Variants in GALNT1 observed in about 807,000 individuals in gnomAD.
GALNT1 encodes polypeptide N-acetylgalactosaminyltransferase 1.
Under a neutral mutation model 65.7 loss-of-function variants are expected in GALNT1, and 17 were observed. The ratio of observed to expected loss-of-function variants is 0.26; its 90% confidence interval spans 0.18 to 0.39. The LOEUF (loss-of-function observed/expected upper bound fraction) is 0.39, where lower values mean the gene tolerates loss of function less well. Among genes scored for constraint, GALNT1 ranks in the 10% least tolerant of loss-of-function variants. The pLI is 1.00. For missense variants in GALNT1, 460 were observed against 672.8 expected, an observed-to-expected ratio of 0.68 and a Z score of 3.50; for synonymous variants, 210 against 219.7, an observed-to-expected ratio of 0.96 and a Z score of 0.39.
At chr18:35,692,369 T>G in intron 9 of GALNT1, 49 bp downstream of exon 9, 1 of 1,210,794 alleles carries the variant, frequency 8.3e-7, no homozygotes. Context: ...TGTTCTTACT[T>G]TTTTATTAAA....
chr18:35,685,234 A>G (rs73948123), intron 5 of GALNT1, among the ~76,000 whole-genome samples: 15,612 of 152,146 alleles, frequency 0.1, 1,005 homozygotes, highest in African/African-American at 0.19. Context: ...ACACACGTGC[A>G]CGTATGCGTG....
intron 9 of GALNT1, among the ~76,000 whole-genome samples, chr18:35,696,232 G>A (rs542387371): frequency 6.6e-6 from 1 of 152,302 alleles, no homozygotes; most frequent in Non-Finnish European, 1.5e-5. Flanking sequence ...GCAGCCCAGG[G>A]ATCTTATGCT....
At chr18:35,646,800 T>A (rs2047237396) in intron 1 of GALNT1, among the ~76,000 whole-genome samples, 1 of 152,234 alleles carries the variant, frequency 6.6e-6, no homozygotes, top group Admixed American at 6.5e-5. Context: ...TCTGGATATC[T>A]TTACCTCAGG....
At chr18:35,590,323 C>T (rs912250129) in intron 1 of GALNT1, among the ~76,000 whole-genome samples, 3 of 152,068 alleles carry the variant, frequency 2.0e-5, no homozygotes, top group African/African-American at 7.2e-5. Context: ...TCCTTTAAAT[C>T]CTTCGTTGTA....
chr18:35,653,589 C>T (rs963582371), intron 1 of GALNT1, among the ~76,000 whole-genome samples: 5 of 152,224 alleles, frequency 3.3e-5, no homozygotes, highest in Admixed American at 3.3e-4. Context: ...TCCTGGTCTT[C>T]AGTGACACAG....
At chr18:35,641,910 AAAT>A (rs564617811) in intron 1 of GALNT1, among the ~76,000 whole-genome samples, 54 of 152,380 alleles carry the variant, frequency 3.5e-4, no homozygotes, top group African/African-American at 1.2e-3. Context: ...TGCTTAAAAA[AAAT>A]AATATTTTGT....
intron 1 of GALNT1, among the ~76,000 whole-genome samples, chr18:35,605,550 T>C (rs2046636454): frequency 6.6e-6 from 1 of 151,792 alleles, no homozygotes; most frequent in Non-Finnish European, 1.5e-5. Context: ...ACGAGCAGTA[T>C]TTTTATTTTT....
intron 1 of GALNT1, among the ~76,000 whole-genome samples, chr18:35,605,935 A>C (rs865871289): frequency 6.6e-6 from 1 of 152,188 alleles, no homozygotes; most frequent in Non-Finnish European, 1.5e-5. Flanking sequence ...TAGTCTTTGT[A>C]TTAGCAGTTC....
intron 2 of GALNT1, among the ~76,000 whole-genome samples, chr18:35,661,887 A>G (rs370992897): frequency 6.6e-6 from 1 of 152,184 alleles, no homozygotes; most frequent in Non-Finnish European, 1.5e-5. Flanking sequence ...AGCATTTTAT[A>G]CTAAAATAGA....
Position 35,692,217 on chromosome 18 carries a change from G to T in GALNT1, c.1196G>T (p.Arg399Ile). 6.2e-7 allele frequency: 1 copy of T among 1,610,812 alleles called. No homozygotes were observed. Among genetic ancestry groups the T allele is most frequent in the Non-Finnish European group, 8.5e-7 (1 of 1,177,718 alleles). ...TKVDYGDISS[R>I]VGLRHKLQCK... is the part of the protein sequence containing the mutation. ...GTAGATTATGGAGATATATCGTCAA[G>T]AGTTGGTCTAAGACACAAACTACAA... is the stretch of plus-strand genomic sequence containing the variant. Residue 399 changes from arginine (R) to isoleucine (I), a missense_variant, in exon 9 of 12, where the codon AGA (arginine) becomes ATA (isoleucine). Transcript: ENST00000269195.
intron 1 of GALNT1, among the ~76,000 whole-genome samples, chr18:35,646,668 GT>G (rs1197518669): frequency 6.6e-6 from 1 of 152,182 alleles, no homozygotes; most frequent in African/African-American, 2.4e-5. Flanking sequence ...TATTCTGTTG[GT>G]TAGAAGCAAG....
At chr18:35,695,821 T>G (rs1440637518) in intron 9 of GALNT1, among the ~76,000 whole-genome samples, 1 of 152,184 alleles carries the variant, frequency 6.6e-6, no homozygotes, top group Non-Finnish European at 1.5e-5. Context: ...AGGCCCAGGG[T>G]GAGTGGTGCG....
chr18:35,671,306 T>A (rs1248483900), intron 3 of GALNT1, among the ~76,000 whole-genome samples: 2 of 152,140 alleles, frequency 1.3e-5, no homozygotes, highest in African/African-American at 4.8e-5. Flanking sequence ...AGCCTCAACC[T>A]CCTGGGCTCA....
intron 1 of GALNT1, among the ~76,000 whole-genome samples, chr18:35,608,880 C>T (rs529367263): frequency 7.9e-4 from 121 of 152,312 alleles, no homozygotes; most frequent in African/African-American, 2.8e-3. Flanking sequence ...CACTAGCCAT[C>T]ATAGGGGCAC....
At chr18:35,670,361 G>A (rs2047617188) in intron 3 of GALNT1, among the ~76,000 whole-genome samples, 2 of 151,970 alleles carry the variant, frequency 1.3e-5, no homozygotes, top group South Asian at 2.1e-4. Context: ...AGAAAAATAC[G>A]TTACATTTCT....
intron 1 of GALNT1, among the ~76,000 whole-genome samples, chr18:35,631,291 G>T (rs2047004877): frequency 6.6e-6 from 1 of 152,082 alleles, no homozygotes; most frequent in African/African-American, 2.4e-5. Context: ...GATGAACATT[G>T]ATGCAAAAAT....
chr18:35,659,250 CATT>C (rs1480192457), intron 2 of GALNT1, among the ~76,000 whole-genome samples: 1 of 152,138 alleles, frequency 6.6e-6, no homozygotes, highest in Non-Finnish European at 1.5e-5. Context: ...GGATTGATGT[CATT>C]GTGATAATGC....
chr18:35,600,689 G>A (rs1568013514), intron 1 of GALNT1, among the ~76,000 whole-genome samples: 1 of 151,804 alleles, frequency 6.6e-6, no homozygotes, highest in Non-Finnish European at 1.5e-5. Context: ...TGCGGGGAGG[G>A]GTATGATCCT....
chr18:35,656,798 AGGCAG>A lies in GALNT1; in HGVS notation c.139+1999_139+2003del, dbSNP rs377451579. Among the ~76,000 whole-genome samples the A allele has an allele frequency of 3.8e-3, 572 of 152,350 alleles. 6 individuals are homozygous for A. The highest frequency in any genetic ancestry group is 0.013 in the African/African-American group (553 of 41,586). ...GTAACTGGTGGACTGGAAGAGGACGAGGCAGGTAGCAGATACCAGTCTGAGACTGT... is the reference window on the plus strand; with the variant it reads ...GTAACTGGTGGACTGGAAGAGGACGAGTAGCAGATACCAGTCTGAGACTGT... On this transcript the variant is annotated intron_variant, in intron 2 of 11. Transcript: ENST00000269195.
Sources: allele counts gnomAD v4.1 joint callset (sites outside exome capture counted in the v4.1 genomes callset), GRCh38; gene constraint gnomAD v4.1.1; transcripts MANE v1.5; gene names NCBI Gene and HGNC (gene_info 2026-07-23, HGNC 2026-07-21).